Variants in NOP14 observed in about 807,000 individuals in gnomAD.
The protein encoded by NOP14 is NOP14 nucleolar protein.
Under a neutral mutation model 101.6 loss-of-function variants are expected in NOP14, and 57 were observed. That is an observed-to-expected ratio of 0.56 (90% CI 0.45 to 0.70). NOP14 has a LOEUF of 0.70. NOP14 is among the 30% of genes least tolerant of loss of function. NOP14 has a pLI of 0.00. For missense variants in NOP14, 1,134 were observed against 1,075.5 expected (o/e 1.05, Z -0.76); for synonymous variants, 428 against 424.0 (o/e 1.01, Z -0.12).
intron 12 of NOP14, among the ~76,000 whole-genome samples, chr4:2,944,834 C>A (rs1006406676): frequency 6.6e-6 from 1 of 152,224 alleles, no homozygotes; most frequent in Non-Finnish European, 1.5e-5. Context: ...AAAAAGGGAA[C>A]AAAAGCCCTT....
rs758809696 is a variant in NOP14 at position 2,950,023 on chromosome 4, T to C, written c.1193A>G (p.Glu398Gly). Residue 398 changes from glutamate to glycine, a missense_variant, in exon 8 of 18, where the codon GAG becomes GGG. Physicochemically the swap from Glu to Gly is moderately conservative, Grantham distance 98. Transcript: ENST00000416614. ...SEEENEKPAK[E>G]QRQTPGKGLI... ...CCCTTTCCCAGGAGTCTGCCTCTGC[T>C]CTTTTGCTGGCTTCTCGTTTTCTTC... is the stretch of plus-strand genomic sequence containing the variant. The C allele has an allele frequency of 2.5e-6, 4 of 1,614,172 alleles. No homozygotes were observed. In the African/African-American group the frequency reaches 4.0e-5, roughly 16 times the overall value.
rs1308687780 is a variant in NOP14 at position 2,963,177 on chromosome 4, G to C, written c.143C>G (p.Thr48Arg). 1.3e-6 allele frequency: 2 copies of C among 1,579,948 alleles called. No homozygotes were observed. Among genetic ancestry groups the C allele is most frequent in the Non-Finnish European group, 1.7e-6 (2 of 1,165,790 alleles). Residue 48 changes from threonine to arginine, a missense_variant, in exon 1 of 18, where the codon ACG becomes AGG. Coordinates refer to ENST00000416614, the MANE Select transcript of NOP14 (RefSeq NM_001291978.2). Reference sequence around the variant, plus strand: ...CCCGGGCAGTCCCACGTCGTGGCGCGTCTTCCGGCCCAGGATCTGGAACTT... The same window carrying C: ...CCCGGGCAGTCCCACGTCGTGGCGCCTCTTCCGGCCCAGGATCTGGAACTT... Reference protein sequence around the residue: ...RQKFQILGRKTRHDVGLPGVS... With the variant: ...RQKFQILGRKRRHDVGLPGVS...
chr4:2,951,089 G>C, intron 7 of NOP14, 25 bp downstream of exon 7: 2 of 1,563,158 alleles, frequency 1.3e-6, no homozygotes, highest in African/African-American at 2.7e-5. Flanking sequence ...GAGAGAGAAA[G>C]AGAAAATGAA....
Position 2,953,565 on chromosome 4 carries a change from G to A in NOP14, c.693C>T (p.Leu231=). Reference sequence around the variant, plus strand: ...CTGACTTGGGAGTTTTGTGGGACAGGAGAGTCTGAATTTCTTTCCAGTCTT... The same window carrying A: ...CTGACTTGGGAGTTTTGTGGGACAGAAGAGTCTGAATTTCTTTCCAGTCTT... ...LDQDWKEIQT[L]LSHKTPKSEN... The change falls in exon 5 of 18, where the codon CTC becomes CTT. Residue 231 remains leucine, a synonymous_variant. Coordinates refer to ENST00000416614, the MANE Select transcript of NOP14 (RefSeq NM_001291978.2). 1.2e-6 allele frequency: 2 copies of A among 1,614,222 alleles called. No homozygotes were observed. The highest frequency in any genetic ancestry group is 1.7e-6 in the Non-Finnish European group (2 of 1,180,044).
chr4:2,959,520 G>A lies in NOP14; in HGVS notation c.196-1780C>T, dbSNP rs576826328. On this transcript the variant is annotated intron_variant, in intron 1 of 17. Coordinates refer to ENST00000416614, the MANE Select transcript of NOP14 (RefSeq NM_001291978.2). The stretch of plus-strand genomic sequence containing the variant: ...AGGCAGGAGAATGGCGTGAACCCGG[G>A]AAGTGGAGCTTGCAGTGAGCTGAGA... Among the ~76,000 whole-genome samples the A allele has an allele frequency of 4.6e-5, 7 of 152,278 alleles. No individual in the cohort carries two copies. The South Asian group carries it at 8.3e-4, about 18-fold the overall frequency.
At position 2,939,050 on chromosome 4, in the gene NOP14, G is replaced by T. The variant is rs1225735350; in HGVS notation, c.2475-120C>A. On this transcript the variant is annotated intron_variant, in intron 17 of 17. Coordinates refer to ENST00000416614, the MANE Select transcript of NOP14 (RefSeq NM_001291978.2). ...TGGCCACGTTCAGTTCAAACAGGGG[G>T]AAGTGAACCTGCCTGGCTCCAACCC... is the stretch of plus-strand genomic sequence containing the variant. 4 of 1,481,148 alleles carry T rather than the reference G, an allele frequency of 2.7e-6. No homozygotes were observed. In the African/African-American group the frequency reaches 4.2e-5, roughly 15 times the overall value. The allele number at this position is 1,481,148 out of a possible 1,614,324, so 91.8% of individuals were successfully genotyped here. A position where few individuals can be genotyped will look rare whatever the true frequency, so the allele number is the denominator to read the frequency against.
intron 5 of NOP14, 22 bp downstream of exon 5, chr4:2,953,485 AGTTT>A: frequency 6.2e-7 from 1 of 1,612,366 alleles, no homozygotes; most frequent in East Asian, 2.2e-5. Flanking sequence ...GTGAGTGAAG[AGTTT>A]GTTTCAGTAC....
At chr4:2,939,003 A>G in intron 17 of NOP14, 73 bp from the exon 18 acceptor site, 1 of 1,506,722 alleles carries the variant, frequency 6.6e-7, no homozygotes. Context: ...TCTCTCCCAC[A>G]TCAGAACCAC....
rs148339291 is a variant in NOP14, at chr4:2,941,793, C to T, written c.2052-64G>A. 2.5e-5 allele frequency: 38 copies of T among 1,543,430 alleles called. No homozygotes were observed. In the Admixed American group the frequency reaches 4.7e-4, roughly 19 times the overall value. Reference sequence around the variant, plus strand: ...TGTTTGTCACTGACAAAACCAATAACGTGGCAAAAATGAACTTCCCCACTT... The same window carrying T: ...TGTTTGTCACTGACAAAACCAATAATGTGGCAAAAATGAACTTCCCCACTT... On this transcript the variant is annotated intron_variant, in intron 14 of 17. Coordinates refer to ENST00000416614, the MANE Select transcript of NOP14 (RefSeq NM_001291978.2).
intron 1 of NOP14, chr4:2,961,260 AATATAGT>A (rs1715871687): frequency 6.9e-6 from 1 of 145,154 alleles, no homozygotes; most frequent in African/African-American, 2.5e-5. Flanking sequence ...CTATATTAAT[AATATAGT>A]TAGTATATTA....
At position 2,938,696 on chromosome 4, in the gene NOP14, CG is replaced by C; in HGVS notation, c.*134del. ...AATTTTTATGTTTTTTTGGTAGAGACGGGGTCTTCCTGTGTTGCCCAGGCTG... is the reference window on the plus strand; with the variant it reads ...AATTTTTATGTTTTTTTGGTAGAGACGGGTCTTCCTGTGTTGCCCAGGCTG... On this transcript the variant is annotated 3_prime_UTR_variant, in exon 18 of 18. Transcript: ENST00000416614. 1 of 663,606 alleles carries C rather than the reference CG, an allele frequency of 1.5e-6. No homozygotes were observed. The highest frequency in any genetic ancestry group is 1.9e-5 in the South Asian group (1 of 51,478). The allele number at this position is 663,606 out of a possible 1,614,324, so 41.1% of individuals were successfully genotyped here.
chr4:2,960,840 TATA>T (rs1435583020), intron 1 of NOP14, among the ~76,000 whole-genome samples: 1 of 126,484 alleles, frequency 7.9e-6, no homozygotes, highest in Admixed American at 8.3e-5. Flanking sequence ...ATATTAATAT[TATA>T]ATCACATTAT....
intron 1 of NOP14, 50 bp downstream of exon 1, chr4:2,963,075 G>A (rs1553865659): frequency 1.4e-6 from 2 of 1,456,968 alleles, no homozygotes; most frequent in Non-Finnish European, 1.8e-6. Context: ...GCCGAGAGCA[G>A]CGTGGGGTCC....
At chr4:2,949,582 C>T (rs1263331) in intron 8 of NOP14, among the ~76,000 whole-genome samples, 16,516 of 152,164 alleles carry the variant, frequency 0.11, 1,209 homozygotes, top group Middle Eastern at 0.17. Context: ...AACAGGAGGC[C>T]CAGGTGGGAA....
At chr4:2,944,042 AT>A (rs1384116996) in intron 13 of NOP14, 30 bp downstream of exon 13, 3 of 1,570,422 alleles carry the variant, frequency 1.9e-6, no homozygotes. Context: ...AGTATAACAT[AT>A]TTGTAGGAAC....
chr4:2,941,336 G>C, intron 15 of NOP14: 1 of 511,390 alleles, frequency 2.0e-6, no homozygotes, highest in East Asian at 3.4e-5. Flanking sequence ...CGGCCTCTTG[G>C]AGGAAGCACA....
At position 2,946,432 on chromosome 4, in the gene NOP14, C is replaced by T. The variant is rs758456836; in HGVS notation, c.1615G>A (p.Ala539Thr). The T allele has an allele frequency of 3.1e-6, 5 of 1,614,246 alleles. No homozygotes were observed. The highest frequency in any genetic ancestry group is 4.2e-6 in the Non-Finnish European group (5 of 1,180,038). ...CTTACCACATCCAACCCTGGCAATGCCGCCCGGCCTTTGGTCTCAATCATT... is the reference window on the plus strand; with the variant it reads ...CTTACCACATCCAACCCTGGCAATGTCGCCCGGCCTTTGGTCTCAATCATT... ...EEMIETKGRAALPGLDVLIYL... is the reference protein window; with the variant it reads ...EEMIETKGRATLPGLDVLIYL... Residue 539 changes from alanine (A) to threonine (T), a missense_variant, in exon 11 of 18, where the codon GCA (alanine) becomes ACA (threonine). Coordinates refer to ENST00000416614, the MANE Select transcript of NOP14 (RefSeq NM_001291978.2).
rs1713843936 is a variant in NOP14, at chr4:2,938,467, G to A, written c.*364C>T. The A allele has an allele frequency of 5.8e-6, 2 of 343,638 alleles. No individual in the cohort carries two copies. Among genetic ancestry groups the A allele is most frequent in the East Asian group, 1.6e-4 (2 of 12,382 alleles). 21.3% of individuals were successfully genotyped at this position (343,638 alleles called of 1,614,324 possible). ...CCCAGGAGGTGGAGGTTGTGCCATT[G>A]CACTCCAGCCTGGGCAACAAGAGCA... On this transcript the variant is annotated 3_prime_UTR_variant, in exon 18 of 18. Transcript: ENST00000416614.
intron 3 of NOP14, 62 bp from the exon 4 acceptor site, chr4:2,954,625 T>C (rs1715223774): frequency 1.9e-6 from 3 of 1,569,962 alleles, no homozygotes; most frequent in Admixed American, 3.8e-5. Flanking sequence ...AAGTGTTTCC[T>C]GTAGCACTCT....
Sources: gnomAD v4.1 joint callset for allele counts (sites outside exome capture counted in the v4.1 genomes callset) on GRCh38, gnomAD v4.1.1 for gene constraint, MANE v1.5 for transcripts, NCBI Gene and HGNC (gene_info 2026-07-23, HGNC 2026-07-21) for gene names.